The following EPYC variants were observed in gnomAD, a reference collection of about 807,000 sequenced individuals.
EPYC encodes dermatan sulfate proteoglycan 3.
Under a neutral mutation model 30.1 loss-of-function variants are expected in EPYC, and 28 were observed. The observed-to-expected ratio is 0.93, with a 90% CI of 0.69 to 1.28. The LOEUF (loss-of-function observed/expected upper bound fraction) is 1.28. EPYC is among the 50% of genes most tolerant of loss of function. The probability of loss-of-function intolerance (pLI) is 0.00; values close to 1 mark genes in which losing one functional copy is unlikely to be tolerated. For synonymous variants in EPYC, 144 were observed against 141.4 expected (o/e 1.02, Z -0.13); for missense variants, 382 against 383.5 (o/e 1.00, Z 0.03).
At chr12:90,979,189 C>A (rs1218360087) in intron 2 of EPYC, among the ~76,000 whole-genome samples, 1 of 152,086 alleles carries the variant, frequency 6.6e-6, no homozygotes, top group African/African-American at 2.4e-5. Flanking sequence ...ATGTCTACTT[C>A]TCTGACGGTC....
chr12:90,988,433 T>C (rs1206183025), intron 2 of EPYC, among the ~76,000 whole-genome samples: 1 of 152,146 alleles, frequency 6.6e-6, no homozygotes, highest in East Asian at 1.9e-4. Flanking sequence ...GAGGGAAATA[T>C]TAAATTTGTT....
chr12:90,965,317 A>C (rs929286200), intron 6 of EPYC, among the ~76,000 whole-genome samples: 2 of 152,160 alleles, frequency 1.3e-5, no homozygotes, highest in African/African-American at 2.4e-5. Context: ...ACTTCTGTTA[A>C]CATTTGTGTA....
At position 90,997,483 on chromosome 12, in the gene EPYC, G is replaced by A. The variant is rs142593575; in HGVS notation, c.165+4918C>T. ...TGTTGTTCTTAGAAAACAAGTTGAAGCCCCCTCCAACCTAAGCAAAATGAA... is the reference window on the plus strand; with the variant it reads ...TGTTGTTCTTAGAAAACAAGTTGAAACCCCCTCCAACCTAAGCAAAATGAA... On this transcript the variant is annotated intron_variant, in intron 2 of 6. Coordinates refer to ENST00000261172, the MANE Select transcript of EPYC (RefSeq NM_004950.5). Among the ~76,000 whole-genome samples the A allele has an allele frequency of 2.8e-3, 430 of 152,058 alleles. 4 individuals are homozygous for A. Among genetic ancestry groups the A allele is most frequent in the African/African-American group, 9.8e-3 (408 of 41,520 alleles).
chr12:90,964,329 A>C lies in EPYC; in HGVS notation c.799-3T>G, dbSNP rs1291923530. ...TGCATTTCCAGAATGTTGTTATTCT[A>C]AAAAAGATGAAAATAAATTATGACA... On this transcript the variant is annotated splice_region_variant and splice_polypyrimidine_tract_variant and intron_variant, in intron 6 of 6. Coordinates refer to ENST00000261172, the MANE Select transcript of EPYC (RefSeq NM_004950.5). 3.1e-6 allele frequency: 5 copies of C among 1,589,190 alleles called. No homozygotes were observed. The highest frequency in any genetic ancestry group is 4.3e-6 in the Non-Finnish European group (5 of 1,159,286).
In EPYC at chr12:90,988,948, G is replaced by T. The variant is rs531588440; in HGVS notation, c.166-10686C>A. On this transcript the variant is annotated intron_variant, in intron 2 of 6. Transcript: ENST00000261172. The stretch of plus-strand genomic sequence containing the variant: ...CCAACTTAGAAAAAGTAAACAATGT[G>T]TTTTAGCTAAGTGCCCAGAAGGAAA... Among the ~76,000 whole-genome samples, 3 of 152,188 alleles carry T rather than the reference G, an allele frequency of 2.0e-5. No individual in the cohort carries two copies. In the East Asian group the frequency reaches 5.8e-4, roughly 29 times the overall value.
At position 90,971,875 on chromosome 12, in the gene EPYC, C is replaced by A. The variant is rs762753449; in HGVS notation, c.627G>T (p.Leu209Phe). ...TATCAATAAATGTCAAAGTGGTTGG[C>A]AATTCTGGGAGCTGCCTTATTTTGT... ...RDNKIRQLPE[L>F]PTTLTFIDIS... The change falls in exon 5 of 7, where the codon TTG (leucine) becomes TTT (phenylalanine). Residue 209 changes from leucine (L) to phenylalanine (F), a missense_variant. Physicochemically the swap from Leu to Phe is conservative, Grantham distance 22. Transcript: ENST00000261172. 2 of 1,612,040 alleles carry A rather than the reference C, an allele frequency of 1.2e-6. No homozygotes were observed. The highest frequency in any genetic ancestry group is 1.1e-5 in the South Asian group (1 of 90,800).
chr12:90,997,505 T>G (rs1329101416), intron 2 of EPYC, among the ~76,000 whole-genome samples: 1 of 151,982 alleles, frequency 6.6e-6, no homozygotes, highest in Admixed American at 6.6e-5. Flanking sequence ...CTAAGCAAAA[T>G]GAAATATAAA....
intron 2 of EPYC, among the ~76,000 whole-genome samples, chr12:91,000,540 T>C (rs139398395): frequency 8.3e-4 from 127 of 152,186 alleles, no homozygotes; most frequent in African/African-American, 3.0e-3. Context: ...TCTGCAGATA[T>C]AGTCATTTTT....
chr12:90,978,557 G>T (rs1414459388), intron 2 of EPYC, among the ~76,000 whole-genome samples: 2 of 150,788 alleles, frequency 1.3e-5, no homozygotes, highest in African/African-American at 2.4e-5. Context: ...TTAAAAAAAA[G>T]CTCATTTATT....
chr12:91,004,467 T>C (rs1877904945), intron 1 of EPYC, among the ~76,000 whole-genome samples: 1 of 152,096 alleles, frequency 6.6e-6, no homozygotes, highest in Admixed American at 6.6e-5. Flanking sequence ...CTTTATACCA[T>C]TTATTAATAT....
intron 2 of EPYC, among the ~76,000 whole-genome samples, chr12:90,997,046 T>C (rs371446232): frequency 9.9e-5 from 15 of 152,098 alleles, no homozygotes; most frequent in African/African-American, 2.9e-4. Flanking sequence ...GTTACCAATA[T>C]AGAACCCAGA....
chr12:90,974,038 TCA>T (rs560408641), intron 3 of EPYC, among the ~76,000 whole-genome samples: 13,715 of 140,336 alleles, frequency 0.098, 1,242 homozygotes, highest in African/African-American at 0.24. Flanking sequence ...TTACACACAC[TCA>T]CACACACACA....
chr12:90,969,554 C>A, intron 6 of EPYC, among the ~76,000 whole-genome samples: 1 of 150,260 alleles, frequency 6.7e-6, no homozygotes, highest in Admixed American at 6.6e-5. Context: ...TTTGTTTATC[C>A]AGAGAGATGG....
At chr12:90,978,305 T>C in intron 2 of EPYC, 43 bp from the exon 3 acceptor site, 1 of 1,553,406 alleles carries the variant, frequency 6.4e-7, no homozygotes, top group Non-Finnish European at 8.6e-7. Context: ...GGCCAACTTC[T>C]CAGTCACTCT....
intron 2 of EPYC, 53 bp downstream of exon 2, chr12:91,002,348 G>A (rs1175373597): frequency 6.6e-7 from 1 of 1,514,468 alleles, no homozygotes; most frequent in African/African-American, 1.4e-5. Context: ...ACAGACCCAA[G>A]TCATTCCTCA....
chr12:90,974,537 A>T (rs961288889), intron 3 of EPYC, among the ~76,000 whole-genome samples: 2 of 152,104 alleles, frequency 1.3e-5, no homozygotes, highest in Admixed American at 6.6e-5. Context: ...GGAGAAAAAG[A>T]TCCAGAGGAG....
intron 2 of EPYC, among the ~76,000 whole-genome samples, chr12:90,998,763 A>G (rs1413492974): frequency 6.6e-6 from 1 of 152,100 alleles, no homozygotes; most frequent in African/African-American, 2.4e-5. Context: ...GTAAAGCTAT[A>G]CCCATTTTTT....
chr12:90,994,942 C>G (rs935005839), intron 2 of EPYC, among the ~76,000 whole-genome samples: 1 of 152,056 alleles, frequency 6.6e-6, no homozygotes, highest in South Asian at 2.1e-4. Context: ...AGCTACTCCT[C>G]TGTATTACCA....
chr12:90,984,987 A>G (rs1296117744), intron 2 of EPYC, among the ~76,000 whole-genome samples: 2 of 152,128 alleles, frequency 1.3e-5, no homozygotes, highest in Non-Finnish European at 2.9e-5. Flanking sequence ...CAAACCTTCA[A>G]CCTCACTTGG....
Sources: allele counts gnomAD v4.1 joint callset (sites outside exome capture counted in the v4.1 genomes callset), GRCh38; gene constraint gnomAD v4.1.1; transcripts MANE v1.5; gene names NCBI Gene and HGNC (gene_info 2026-07-23, HGNC 2026-07-21).